PRKN: variants seen among roughly 807,000 people sequenced by gnomAD.
PRKN encodes parkin RBR E3 ubiquitin protein ligase.
A neutral mutation model predicts 59.5 loss-of-function variants in PRKN; 56 were observed. That is an observed-to-expected ratio of 0.94 (90% CI 0.76 to 1.18). The LOEUF (loss-of-function observed/expected upper bound fraction) is 1.18, where lower values mean the gene tolerates loss of function less well. PRKN is among the 50% of genes most tolerant of loss of function. The pLI, the probability that PRKN is intolerant of heterozygous loss-of-function variation, is 0.00. For missense variants in PRKN, 657 were observed against 596.4 expected (o/e 1.10, Z -1.06); for synonymous variants, 250 against 222.1 (o/e 1.13, Z -1.12).
intron 8 of PRKN, among the ~76,000 whole-genome samples, chr6:161,556,647 T>C (rs1420483858): frequency 6.6e-6 from 1 of 152,220 alleles, no homozygotes; most frequent in Non-Finnish European, 1.5e-5. Context: ...AAGTAACTAA[T>C]AAATCTACCC....
chr6:162,726,695 T>C (rs1359046061), intron 1 of PRKN, among the ~76,000 whole-genome samples: 1 of 152,222 alleles, frequency 6.6e-6, no homozygotes, highest in African/African-American at 2.4e-5. Context: ...AGACCACATC[T>C]GACTTCGAAC....
At chr6:162,202,909 A>G (rs1418649372) in intron 3 of PRKN, among the ~76,000 whole-genome samples, 2 of 152,248 alleles carry the variant, frequency 1.3e-5, no homozygotes, top group Non-Finnish European at 2.9e-5. Context: ...TAAAACCTTT[A>G]TCAGCAACAG....
intron 6 of PRKN, among the ~76,000 whole-genome samples, chr6:161,863,234 A>T (rs1286512627): frequency 6.6e-6 from 1 of 152,194 alleles, no homozygotes; most frequent in Non-Finnish European, 1.5e-5. Context: ...CCACAAGATA[A>T]AGAAAATGCC....
chr6:162,665,599 C>T (rs956612633), intron 1 of PRKN, among the ~76,000 whole-genome samples: 4 of 152,102 alleles, frequency 2.6e-5, no homozygotes, highest in Non-Finnish European at 4.4e-5. Context: ...GTGAAAATGG[C>T]CATACTTCCC....
intron 8 of PRKN, among the ~76,000 whole-genome samples, chr6:161,553,030 C>G (rs1780100057): frequency 6.6e-6 from 1 of 150,998 alleles, no homozygotes; most frequent in African/African-American, 2.4e-5. Context: ...ACCTCGTGAT[C>G]TGCCTGCCTC....
intron 7 of PRKN, among the ~76,000 whole-genome samples, chr6:161,730,789 T>C (rs1190361210): frequency 1.3e-5 from 2 of 152,012 alleles, no homozygotes; most frequent in Non-Finnish European, 2.9e-5. Context: ...TGTTGCATTC[T>C]GAAGTGTTGC....
intron 1 of PRKN, among the ~76,000 whole-genome samples, chr6:162,629,259 G>A (rs962144086): frequency 3.3e-5 from 5 of 152,150 alleles, no homozygotes; most frequent in African/African-American, 1.2e-4. Context: ...GTTAATTAAG[G>A]AAAGTCCAAT....
intron 2 of PRKN, among the ~76,000 whole-genome samples, chr6:162,329,867 T>C (rs1783494698): frequency 6.6e-6 from 1 of 152,162 alleles, no homozygotes; most frequent in Non-Finnish European, 1.5e-5. Flanking sequence ...TAAACTAACC[T>C]GGATCAGAGA....
At chr6:162,617,207 C>T (rs1425983069) in intron 1 of PRKN, among the ~76,000 whole-genome samples, 3 of 152,026 alleles carry the variant, frequency 2.0e-5, no homozygotes, top group African/African-American at 7.2e-5. Context: ...ATTCTTTTAG[C>T]AGTTTAGAAA....
At chr6:161,600,730 C>A (rs776886046) in intron 7 of PRKN, among the ~76,000 whole-genome samples, 3 of 152,114 alleles carry the variant, frequency 2.0e-5, no homozygotes, top group Non-Finnish European at 2.9e-5. Context: ...AATGTTCTCA[C>A]CTACTAGATG....
chr6:161,511,884 C>G (rs73591668), intron 9 of PRKN, among the ~76,000 whole-genome samples: 3,113 of 152,276 alleles, frequency 0.02, 110 homozygotes, highest in African/African-American at 0.071. Context: ...GAATATCTCA[C>G]TTTAGCGGAG....
intron 1 of PRKN, among the ~76,000 whole-genome samples, chr6:162,542,727 C>T (rs139099457): frequency 7.2e-5 from 11 of 152,138 alleles, no homozygotes; most frequent in Admixed American, 3.9e-4. Context: ...GCATATAGCA[C>T]ATAGCATAGA....
chr6:161,911,546 C>A (rs1778361720), intron 6 of PRKN, among the ~76,000 whole-genome samples: 1 of 152,118 alleles, frequency 6.6e-6, no homozygotes, highest in South Asian at 2.1e-4. Flanking sequence ...GTCCCCCAAC[C>A]CTGGATAATG....
In PRKN at chr6:162,715,084, A is replaced by T. The variant is rs189451010; in HGVS notation, c.7+12578T>A. ...CTCCTCAGATACTTAATTTTCACCA[A>T]AGTCAAGGCATATAGTTACTTCCCC... On this transcript the variant is annotated intron_variant, in intron 1 of 11. Coordinates refer to ENST00000366898, the MANE Select transcript of PRKN (RefSeq NM_004562.3). 5.3e-5 allele frequency among the ~76,000 whole-genome samples: 8 copies of T among 152,330 alleles called. No individual in the cohort carries two copies. In the East Asian group the frequency reaches 1.5e-3, roughly 29 times the overall value.
At chr6:162,263,675 C>T (rs866454669) in intron 2 of PRKN, among the ~76,000 whole-genome samples, 4 of 152,178 alleles carry the variant, frequency 2.6e-5, no homozygotes, top group African/African-American at 4.8e-5. Flanking sequence ...TACATAGGGC[C>T]GGCCGCGGTG....
chr6:161,959,564 T>C (rs1434882561), intron 6 of PRKN, among the ~76,000 whole-genome samples: 1 of 152,216 alleles, frequency 6.6e-6, no homozygotes, highest in Non-Finnish European at 1.5e-5. Flanking sequence ...CTACTTCTTA[T>C]ACAATTACGT....
intron 1 of PRKN, among the ~76,000 whole-genome samples, chr6:162,578,090 T>C (rs542340633): frequency 6.6e-6 from 1 of 152,134 alleles, no homozygotes; most frequent in East Asian, 1.9e-4. Context: ...GGCTGATATA[T>C]GGATATTCTC....
intron 7 of PRKN, among the ~76,000 whole-genome samples, chr6:161,603,719 T>C (rs1180317121): frequency 6.6e-6 from 1 of 152,204 alleles, no homozygotes; most frequent in East Asian, 1.9e-4. Context: ...AGCAGATATA[T>C]GGAACTTCTT....
rs1230968481 is a variant in PRKN, at chr6:161,480,968, C to T, written c.1083+67886G>A. Among the ~76,000 whole-genome samples the T allele has an allele frequency of 1.3e-5, 2 of 152,230 alleles. No homozygotes were observed. Among genetic ancestry groups the T allele is most frequent in the Admixed American group, 1.3e-4 (2 of 15,280 alleles). ...ACCGGGCAAGGAGAAAAGCGCTTCA[C>T]AGCCACGAAGAGGGGGTTCCTGAGG... On this transcript the variant is annotated intron_variant, in intron 9 of 11. Coordinates refer to ENST00000366898, the MANE Select transcript of PRKN (RefSeq NM_004562.3). The surrounding 1 kb of genome is among the most constrained non-coding windows in gnomAD (Gnocchi z 4.1).
Sources: allele counts gnomAD v4.1 joint callset (sites outside exome capture counted in the v4.1 genomes callset), GRCh38; gene constraint gnomAD v4.1.1; non-coding constraint Gnocchi (gnomAD v3.1); transcripts MANE v1.5; gene names NCBI Gene and HGNC (gene_info 2026-07-23, HGNC 2026-07-21).